The following RP1 variants were observed in gnomAD, a reference collection of about 807,000 sequenced individuals.
The protein encoded by RP1 is RP1 axonemal microtubule associated.
Under a neutral mutation model 14.8 loss-of-function variants are expected in RP1, and 16 were observed. The ratio of observed to expected loss-of-function variants is 1.08; its 90% CI spans 0.73 to 1.65. The LOEUF is 1.65. Among genes scored for constraint, RP1 ranks in the 40% most tolerant of loss-of-function variants. The probability of loss-of-function intolerance (pLI) is 0.00; values close to 1 mark genes in which losing one functional copy is unlikely to be tolerated. For missense variants in RP1, 2,631 were observed against 2,535.0 expected (o/e 1.04, Z -0.81); for synonymous variants, 876 against 883.6 (o/e 0.99, Z 0.15).
At chr8:54,573,806 A>T (rs1052307229) in intron 1 of RP1, among the ~76,000 whole-genome samples, 1 of 152,196 alleles carries the variant, frequency 6.6e-6, no homozygotes, top group Non-Finnish European at 1.5e-5. Flanking sequence ...ACATTACAGG[A>T]TTGGAACAAC....
Position 54,626,397 on chromosome 8 carries a change from C to G in RP1, c.2515C>G (p.Gln839Glu). Residue 839 changes from glutamine to glutamate, a missense_variant, in exon 4 of 4, where the codon CAA becomes GAA. Transcript: ENST00000220676. ...KPKDFYAPQSQAEVASGYLRG... is the reference protein window; with the variant it reads ...KPKDFYAPQSEAEVASGYLRG... ...CAAAGATTTTTATGCACCGCAATCT[C>G]AAGCAGAAGTGGCATCTGGGTATTT... The G allele has an allele frequency of 6.2e-7, 1 of 1,613,456 alleles. No individual in the cohort carries two copies. Among genetic ancestry groups the G allele is most frequent in the Middle Eastern group, 1.7e-4 (1 of 6,060 alleles).
chr8:54,669,822 A>C (rs930828795), intron 7 of RP1, among the ~76,000 whole-genome samples: 25 of 151,984 alleles, frequency 1.6e-4, no homozygotes, highest in Non-Finnish European at 1.2e-4. Flanking sequence ...GTGGGAACTG[A>C]ACAATGAGAA....
At chr8:54,785,925 A>G (rs1199291171) in intron 24 of RP1, among the ~76,000 whole-genome samples, 1 of 152,072 alleles carries the variant, frequency 6.6e-6, no homozygotes, top group Non-Finnish European at 1.5e-5. Context: ...TTTTAATTGG[A>G]TCATTTGTCT....
At chr8:54,565,228 G>A (rs147445250) in intron 1 of RP1, among the ~76,000 whole-genome samples, 34 of 152,300 alleles carry the variant, frequency 2.2e-4, no homozygotes, top group African/African-American at 7.5e-4. Context: ...CAAGGTCCAG[G>A]AAGACAGATG....
At chr8:54,798,084 G>A (rs1290852191) in intron 24 of RP1, among the ~76,000 whole-genome samples, 2 of 152,006 alleles carry the variant, frequency 1.3e-5, no homozygotes, top group Non-Finnish European at 2.9e-5. Flanking sequence ...TGGGATCTTG[G>A]CTCACTGCAA....
rs553424020 is a variant in RP1 at position 54,844,080 on chromosome 8, G to T, written c.3835+6411G>T. 8.5e-5 allele frequency among the ~76,000 whole-genome samples: 13 copies of T among 152,202 alleles called. No homozygotes were observed. The South Asian group carries it at 2.5e-3, about 29-fold the overall frequency. ...TTCTCCTTGAACTTTATGGTTATTT[G>T]GTTATGTCCACCAAGGTAGGTAGAA... On this transcript the variant is annotated intron_variant, in intron 25 of 28. Coordinates refer to the RP1 transcript ENST00000637698.
intron 1 of RP1, among the ~76,000 whole-genome samples, chr8:54,587,988 T>C (rs1386598530): frequency 6.6e-6 from 1 of 152,222 alleles, no homozygotes; most frequent in Non-Finnish European, 1.5e-5. Context: ...TTTCTCTTCC[T>C]ACAGAGCAAT....
chr8:54,784,578 T>G (rs181131743), intron 24 of RP1, among the ~76,000 whole-genome samples: 12 of 152,302 alleles, frequency 7.9e-5, no homozygotes, highest in Admixed American at 7.9e-4. Flanking sequence ...CCTATTTTCC[T>G]ATGACAAACT....
intron 13 of RP1, chr8:54,701,473 T>G (rs1424845466): frequency 6.7e-7 from 1 of 1,494,858 alleles, no homozygotes; most frequent in Admixed American, 2.5e-5. Flanking sequence ...GGTTTTTTTG[T>G]TTTTCCTTTT....
At position 54,628,187 on chromosome 8, in the gene RP1, T is replaced by G; in HGVS notation, c.4305T>G (p.Thr1435=). The G allele has an allele frequency of 1.9e-6, 3 of 1,614,042 alleles. No individual in the cohort carries two copies. Among genetic ancestry groups the G allele is most frequent in the Non-Finnish European group, 8.5e-7 (1 of 1,179,916 alleles). ...AGTTTCAGGATGAAAATGCATATAC[T>G]TCCTTTGATATGGAAGAACCACGGA... The part of the protein sequence containing the change: ...LRKFQDENAY[T]SFDMEEPRTS... The change falls in exon 4 of 4, where the codon ACT becomes ACG. Residue 1435 remains threonine (T), a synonymous_variant. Coordinates refer to ENST00000220676, the MANE Select transcript of RP1 (RefSeq NM_006269.2).
exon 15 of RP1, chr8:54,706,600 G>C (rs1319351897): frequency 1.3e-6 from 2 of 1,536,102 alleles, no homozygotes; most frequent in South Asian, 2.4e-5. Flanking sequence ...ATGTTTGAAA[G>C]TGTGAAAAAT....
intron 24 of RP1, among the ~76,000 whole-genome samples, chr8:54,825,917 A>T (rs892693087): frequency 2.1e-5 from 3 of 144,050 alleles, no homozygotes; most frequent in Non-Finnish European, 4.6e-5. Flanking sequence ...AAAAAAAAAA[A>T]ATCAGCCTGG....
chr8:54,604,478 G>A (rs939437858), intron 1 of RP1, among the ~76,000 whole-genome samples: 2 of 152,154 alleles, frequency 1.3e-5, no homozygotes, highest in African/African-American at 4.8e-5. Context: ...ATGTTCATCA[G>A]GGATATCGGT....
intron 1 of RP1, among the ~76,000 whole-genome samples, chr8:54,605,694 A>G (rs1229131193): frequency 6.6e-6 from 1 of 152,132 alleles, no homozygotes; most frequent in Non-Finnish European, 1.5e-5. Flanking sequence ...GCAGGTCTCT[A>G]AGGACTTGCT....
At position 54,628,699 on chromosome 8, in the gene RP1, C is replaced by A; in HGVS notation, c.4817C>A (p.Thr1606Lys). 6.2e-7 allele frequency: 1 copy of A among 1,614,044 alleles called. No individual in the cohort carries two copies. Residue 1606 changes from threonine to lysine, a missense_variant, in exon 4 of 4, where the codon ACA becomes AAA. Thr to Lys is a moderately conservative substitution (Grantham distance 78). Transcript: ENST00000220676. ...AGTGACAGTGAGCAGCCATATAAAACATCCAGTGATGATCCCAATGACAGT... is the reference window on the plus strand; with the variant it reads ...AGTGACAGTGAGCAGCCATATAAAAAATCCAGTGATGATCCCAATGACAGT... ...PDSDSEQPYK[T>K]SSDDPNDSGE... is the part of the protein sequence containing the mutation.
chr8:54,818,121 T>C (rs990277190), intron 24 of RP1, among the ~76,000 whole-genome samples: 1 of 152,218 alleles, frequency 6.6e-6, no homozygotes, highest in Non-Finnish European at 1.5e-5. Context: ...AACAACTGCT[T>C]AGGTGATTTT....
At chr8:54,814,559 T>G (rs1453013058) in intron 24 of RP1, among the ~76,000 whole-genome samples, 1 of 152,208 alleles carries the variant, frequency 6.6e-6, no homozygotes, top group Non-Finnish European at 1.5e-5. Flanking sequence ...GGTCCTGGTA[T>G]GGAACTCAGC....
At chr8:54,758,005 G>T (rs1809550924) in intron 21 of RP1, among the ~76,000 whole-genome samples, 1 of 152,222 alleles carries the variant, frequency 6.6e-6, no homozygotes, top group Admixed American at 6.5e-5. Context: ...GCCAATAGTT[G>T]TAGTGTGTCT....
intron 19 of RP1, among the ~76,000 whole-genome samples, chr8:54,739,778 A>G (rs1809025586): frequency 6.6e-6 from 1 of 152,104 alleles, no homozygotes; most frequent in Non-Finnish European, 1.5e-5. Flanking sequence ...GCCATGTGCC[A>G]CATAGGATGT....
Sources: gnomAD v4.1 joint callset for allele counts (sites outside exome capture counted in the v4.1 genomes callset) on GRCh38, gnomAD v4.1.1 for gene constraint, MANE v1.5 for transcripts, NCBI Gene and HGNC (gene_info 2026-07-23, HGNC 2026-07-21) for gene names.